The following MYT1 variants were observed in gnomAD, a reference collection of about 807,000 sequenced individuals.
MYT1 encodes the protein myelin transcription factor I.
In MYT1, 23 loss-of-function variants were observed where a neutral mutation model predicts 123.0. That is an observed-to-expected ratio of 0.19 (90% CI 0.13 to 0.26). The LOEUF is 0.26. Ranked by LOEUF, MYT1 falls within the 10% of genes least tolerant of loss-of-function variation. MYT1 has a pLI of 1.00. For synonymous variants in MYT1, 518 were observed against 575.3 expected, an observed-to-expected ratio of 0.90 and a Z score of 1.43; for missense variants, 1,125 against 1,472.5, an observed-to-expected ratio of 0.76 and a Z score of 3.86.
rs986103939 is a variant in MYT1 at position 64,189,098 on chromosome 20, G to T, written c.-98-965G>T. The stretch of plus-strand genomic sequence containing the variant: ...AGAGGCACAGGGCTGCCTGGGGCCA[G>T]GAGTGGCCAGAACCCTAGAGAAGAA... On this transcript the variant is annotated intron_variant, in intron 1 of 22. Coordinates refer to ENST00000328439, the MANE Select transcript of MYT1 (RefSeq NM_004535.3). The surrounding 1 kb of genome is among the most constrained non-coding windows in gnomAD (Gnocchi z 5.5). Among the ~76,000 whole-genome samples the T allele has an allele frequency of 2.0e-5, 3 of 152,240 alleles. No individual in the cohort carries two copies. The highest frequency in any genetic ancestry group is 4.4e-5 in the Non-Finnish European group (3 of 68,048).
chr20:64,193,971 C>T lies in MYT1; in HGVS notation c.-1+3811C>T, dbSNP rs374661410. Reference sequence around the variant, plus strand: ...ATGGCCCCCGTGGTGTCAGAATGCCCGGAACCCCCCAGCTCAGCGTTCCCA... The same window carrying T: ...ATGGCCCCCGTGGTGTCAGAATGCCTGGAACCCCCCAGCTCAGCGTTCCCA... On this transcript the variant is annotated intron_variant, in intron 2 of 22. Coordinates refer to ENST00000328439, the MANE Select transcript of MYT1 (RefSeq NM_004535.3). This position sits in a 1 kb window ranked among gnomAD's most constrained non-coding sequence, Gnocchi z 4.0. Among the ~76,000 whole-genome samples, 403 of 152,252 alleles carry T rather than the reference C, an allele frequency of 2.6e-3. 4 individuals are homozygous for T. The highest frequency in any genetic ancestry group is 0.019 in the South Asian group (94 of 4,824).
At position 64,220,780 on chromosome 20, in the gene MYT1, G is replaced by A. The variant is rs578058362; in HGVS notation, c.2241+798G>A. ...GGCCAGACCCTCAAGGAGGAATGAG[G>A]GGGGTGGGGCTAGGCCCCTATGAAG... On this transcript the variant is annotated intron_variant, in intron 13 of 22. Transcript: ENST00000328439. Among the ~76,000 whole-genome samples the A allele has an allele frequency of 8.9e-4, 129 of 144,780 alleles. 6 individuals are homozygous for A. The South Asian group carries it at 0.027, about 30-fold the overall frequency. 95.0% of individuals were successfully genotyped at this position (144,780 alleles called of 152,430 possible).
chr20:64,227,948 C>A lies in MYT1; in HGVS notation c.2652C>A (p.Asp884Glu). The A allele has an allele frequency of 6.2e-7, 1 of 1,614,118 alleles. No individual in the cohort carries two copies. Among genetic ancestry groups the A allele is most frequent in the Non-Finnish European group, 8.5e-7 (1 of 1,179,986 alleles). The change falls in exon 18 of 23, where the codon GAC (aspartate) becomes GAA (glutamate). Residue 884 changes from aspartate (D) to glutamate (E), a missense_variant. This residue lies in a region of MYT1 where 243 missense variants were observed against 323.1 expected (regional missense o/e 0.75). Transcript: ENST00000328439. ...TCAAGGTGGCACCCACCAAGGACGA[C>A]AAGGAGGACCCCGAGCTGATGAAGT... ...SGVKVAPTKDDKEDPELMKCP... is the reference protein window; with the variant it reads ...SGVKVAPTKDEKEDPELMKCP...
intron 1 of MYT1, among the ~76,000 whole-genome samples, chr20:64,170,515 C>G (rs930900746): frequency 2.0e-5 from 3 of 152,076 alleles, no homozygotes; most frequent in African/African-American, 7.2e-5. Flanking sequence ...TACTTAAATG[C>G]TCAGTTGAGC....
chr20:64,236,216 C>T (rs1398945568), intron 19 of MYT1, among the ~76,000 whole-genome samples: 1 of 126,492 alleles, frequency 7.9e-6, no homozygotes, highest in African/African-American at 3.1e-5. Flanking sequence ...CCTGGGCTGG[C>T]TGTGGTGGGT....
At chr20:64,216,047 C>T (rs1193389455) in intron 10 of MYT1, among the ~76,000 whole-genome samples, 4 of 152,188 alleles carry the variant, frequency 2.6e-5, no homozygotes, top group Non-Finnish European at 4.4e-5. Flanking sequence ...TCTTCCAGGC[C>T]CATCAGAGCT....
chr20:64,235,427 G>A (rs1006661947), intron 19 of MYT1, among the ~76,000 whole-genome samples: 1 of 142,206 alleles, frequency 7.0e-6, no homozygotes, highest in Non-Finnish European at 1.5e-5. Flanking sequence ...ATGCTGGGAT[G>A]GTCATGGTGG....
In MYT1 at chr20:64,203,856, G is replaced by C. The variant is rs940671491; in HGVS notation, c.87-1179G>C. Among the ~76,000 whole-genome samples, 1 of 152,240 alleles carries C rather than the reference G, an allele frequency of 6.6e-6. No individual in the cohort carries two copies. Among genetic ancestry groups the C allele is most frequent in the Non-Finnish European group, 1.5e-5 (1 of 68,040 alleles). On this transcript the variant is annotated intron_variant, in intron 4 of 22. Transcript: ENST00000328439. This position sits in a 1 kb window ranked among gnomAD's most constrained non-coding sequence, Gnocchi z 5.1. ...TTCTTTTCCCCGGGTCCCAGGTATG[G>C]GGGCACCAGCCCTTACCTTCCTCCC...
At position 64,206,053 on chromosome 20, in the gene MYT1, GGT is replaced by G. The variant is rs142954879; in HGVS notation, c.397+265_397+266del. On this transcript the variant is annotated intron_variant, in intron 6 of 22. Transcript: ENST00000328439. ...GCAGGACAGACAGAGACACGGGGCT[GGT>G]GTGTGTGTGTGCAGTTGTAGTGTGT... 3.3e-3 allele frequency among the ~76,000 whole-genome samples: 508 copies of G among 152,116 alleles called. 1 individual carries two copies. Among genetic ancestry groups the G allele is most frequent in the Non-Finnish European group, 5.6e-3 (378 of 67,960 alleles).
At chr20:64,235,482 A>G (rs1489290070) in intron 19 of MYT1, among the ~76,000 whole-genome samples, 18 of 83,136 alleles carry the variant, frequency 2.2e-4, no homozygotes, top group Middle Eastern at 0.013. Flanking sequence ...AATGGTCATG[A>G]TGGGTGACCC....
rs962450673 is a variant in MYT1 at position 64,168,084 on chromosome 20, G to A, written c.-99+3345G>A. 2.6e-5 allele frequency among the ~76,000 whole-genome samples: 4 copies of A among 152,196 alleles called. No individual in the cohort carries two copies. Among genetic ancestry groups the A allele is most frequent in the East Asian group, 1.9e-4 (1 of 5,192 alleles). ...CCTGGGGGGTGGAATGTGCTTTCAC[G>A]GCCTCTTGAGGTTCCCGGCATTTTT... On this transcript the variant is annotated intron_variant, in intron 1 of 22. Coordinates refer to ENST00000328439, the MANE Select transcript of MYT1 (RefSeq NM_004535.3). The surrounding 1 kb of genome is among the most constrained non-coding windows in gnomAD (Gnocchi z 6.1).
intron 2 of MYT1, 91 bp from the exon 3 acceptor site, chr20:64,198,771 A>G: frequency 7.1e-7 from 1 of 1,413,258 alleles, no homozygotes; most frequent in South Asian, 1.2e-5. Flanking sequence ...TCAAAGCTTG[A>G]GCCAGAAAAT....
intron 18 of MYT1, among the ~76,000 whole-genome samples, chr20:64,230,877 C>T (rs142887195): frequency 6.6e-5 from 10 of 152,278 alleles, no homozygotes; most frequent in Middle Eastern, 3.4e-3. Context: ...GGGTCCTGGC[C>T]GAGTTGGCTG....
rs1052968440 is a variant in MYT1 at position 64,193,703 on chromosome 20, G to A, written c.-1+3543G>A. ...ACTGGCCCCTTCCTTCTGGGAAGTGGCTGCCTATGGTCCGCTGGGACTCAG... is the reference window on the plus strand; with the variant it reads ...ACTGGCCCCTTCCTTCTGGGAAGTGACTGCCTATGGTCCGCTGGGACTCAG... On this transcript the variant is annotated intron_variant, in intron 2 of 22. Coordinates refer to ENST00000328439, the MANE Select transcript of MYT1 (RefSeq NM_004535.3). This position sits in a 1 kb window ranked among gnomAD's most constrained non-coding sequence, Gnocchi z 4.0. Among the ~76,000 whole-genome samples, 2 of 151,914 alleles carry A rather than the reference G, an allele frequency of 1.3e-5. No homozygotes were observed. Among genetic ancestry groups the A allele is most frequent in the Non-Finnish European group, 1.5e-5 (1 of 67,980 alleles).
Position 64,223,354 on chromosome 20 carries a change from C to A in MYT1, c.2523C>A (p.Asp841Glu). The change falls in exon 16 of 23, where the codon GAC (aspartate) becomes GAA (glutamate). Residue 841 changes from aspartate (D) to glutamate (E), a missense_variant. Physicochemically the swap from Asp to Glu is conservative, Grantham distance 45. Transcript: ENST00000328439. ...LRNLMAAHSA[D>E]LKCPTPGCDG... ...ACCTCATGGCTGCCCACTCTGCTGA[C>A]CTCAAGTATGTTTGCGCTCCCTGAC... is the stretch of plus-strand genomic sequence containing the variant. 6.2e-7 allele frequency: 1 copy of A among 1,614,110 alleles called. No homozygotes were observed. The highest frequency in any genetic ancestry group is 8.5e-7 in the Non-Finnish European group (1 of 1,180,006).
rs767462524 is a variant in MYT1 at position 64,237,403 on chromosome 20, GC to G, written c.3093+19del. 6.9e-6 allele frequency: 11 copies of G among 1,584,410 alleles called. No individual in the cohort carries two copies. In the African/African-American group the frequency reaches 9.4e-5, roughly 13 times the overall value. On this transcript the variant is annotated intron_variant, in intron 21 of 22. Transcript: ENST00000328439. ...GCTGCAGTCCCAGGTAGGTGGTGCC[GC>G]CCCCCGCTCCTGGGCTCTTTGCCCA...
At position 64,205,061 on chromosome 20, in the gene MYT1, C is replaced by T. The variant is rs369925583; in HGVS notation, c.113C>T (p.Ser38Leu). The T allele has an allele frequency of 1.9e-6, 3 of 1,614,092 alleles. No individual in the cohort carries two copies. Among genetic ancestry groups the T allele is most frequent in the Middle Eastern group, 1.6e-4 (1 of 6,062 alleles). Residue 38 changes from serine (S) to leucine (L), a missense_variant, in exon 5 of 23, where the codon TCA (serine) becomes TTA (leucine). Physicochemically the swap from Ser to Leu is moderately radical, Grantham distance 145. Coordinates refer to ENST00000328439, the MANE Select transcript of MYT1 (RefSeq NM_004535.3). ...TGCCCCACCCCAGGATGCACAGGCT[C>T]AGGGCACGTCCGGGGCAAGTACTCC... ...LSCPTPGCTGSGHVRGKYSRH... is the reference protein window; with the variant it reads ...LSCPTPGCTGLGHVRGKYSRH...
chr20:64,214,799 G>A (rs897449782), intron 10 of MYT1, among the ~76,000 whole-genome samples: 5 of 152,180 alleles, frequency 3.3e-5, no homozygotes, highest in Admixed American at 6.5e-5. Context: ...TCCACTGTCC[G>A]CCTCCTTTCG....
At chr20:64,173,411 G>A (rs545622353) in intron 1 of MYT1, among the ~76,000 whole-genome samples, 4 of 152,074 alleles carry the variant, frequency 2.6e-5, no homozygotes, top group African/African-American at 9.7e-5. Context: ...GGTCAGGGGA[G>A]CAGGAGGGAG....
Sources: gnomAD v4.1 joint callset for allele counts (sites outside exome capture counted in the v4.1 genomes callset) on GRCh38, gnomAD v4.1.1 for gene constraint, gnomAD v4.1.1 regional missense constraint, Gnocchi (gnomAD v3.1) non-coding constraint, MANE v1.5 for transcripts, NCBI Gene and HGNC (gene_info 2026-07-23, HGNC 2026-07-21) for gene names.